Variants in PHLPP1 observed in about 807,000 individuals in gnomAD.
The protein encoded by PHLPP1 is PH domain and leucine rich repeat protein phosphatase 1.
In PHLPP1, 42 loss-of-function variants were observed where a neutral mutation model predicts 117.2. That is an observed-to-expected ratio of 0.36 (90% CI 0.28 to 0.46). The LOEUF is 0.46. Among genes scored for constraint, PHLPP1 ranks in the 20% least tolerant of loss-of-function variants. The pLI is 1.00. For missense variants in PHLPP1, 2,084 were observed against 2,241.9 expected (o/e 0.93, Z 1.42); for synonymous variants, 1,042 against 970.7 (o/e 1.07, Z -1.37).
intron 2 of PHLPP1, among the ~76,000 whole-genome samples, chr18:62,832,939 T>C (rs1337777411): frequency 6.6e-6 from 1 of 152,202 alleles, no homozygotes; most frequent in African/African-American, 2.4e-5. Flanking sequence ...ACTTTACATA[T>C]ATGGCTTTGC....
At position 62,945,131 on chromosome 18, in the gene PHLPP1, C is replaced by G; in HGVS notation, c.3184C>G (p.Leu1062Val). ...PASKMAKLEE[L>V]EEIDLSGNKL... ...TAGTAAAATGGCGAAACTGGAGGAACTTGAAGAAATTGATCTCAGTGGGAA... is the reference window on the plus strand; with the variant it reads ...TAGTAAAATGGCGAAACTGGAGGAAGTTGAAGAAATTGATCTCAGTGGGAA... The change falls in exon 12 of 17, where the codon CTT becomes GTT. Residue 1062 changes from leucine to valine, a missense_variant. By Grantham distance (32) the Leu-to-Val change is conservative (BLOSUM62 1). Around this residue, in one of 2 missense-constraint regions of PHLPP1, gnomAD observed 1,365 missense variants for 1,605.9 expected, o/e 0.85. Coordinates refer to ENST00000262719, the MANE Select transcript of PHLPP1 (RefSeq NM_194449.4). The G allele has an allele frequency of 6.3e-7, 1 of 1,598,806 alleles. No homozygotes were observed. Among genetic ancestry groups the G allele is most frequent in the Non-Finnish European group, 8.5e-7 (1 of 1,175,036 alleles).
At chr18:62,870,580 T>G (rs936613669) in intron 4 of PHLPP1, among the ~76,000 whole-genome samples, 3 of 152,210 alleles carry the variant, frequency 2.0e-5, no homozygotes, top group Admixed American at 2.0e-4. Flanking sequence ...TTACCTAAGT[T>G]TCAAGGAATT....
chr18:62,808,994 C>T (rs1340631279), intron 1 of PHLPP1, among the ~76,000 whole-genome samples: 1 of 152,108 alleles, frequency 6.6e-6, no homozygotes, highest in African/African-American at 2.4e-5. Flanking sequence ...TGTTGCCTGC[C>T]TACTGCCAGG....
At chr18:62,806,723 C>T (rs969090101) in intron 1 of PHLPP1, among the ~76,000 whole-genome samples, 1 of 152,150 alleles carries the variant, frequency 6.6e-6, no homozygotes, top group African/African-American at 2.4e-5. Context: ...ATTAGCTTGA[C>T]ATCTTTTTTG....
intron 10 of PHLPP1, among the ~76,000 whole-genome samples, chr18:62,940,016 CA>C (rs1481841370): frequency 6.6e-6 from 1 of 151,806 alleles, no homozygotes; most frequent in Non-Finnish European, 1.5e-5. Flanking sequence ...ATCTGGGGGC[CA>C]GGGGGAGGCA....
chr18:62,764,040 A>G lies in PHLPP1; in HGVS notation c.1576+46781A>G, dbSNP rs185342034. Among the ~76,000 whole-genome samples the G allele has an allele frequency of 1.4e-3, 206 of 151,700 alleles. 1 individual carries two copies. The highest frequency in any genetic ancestry group is 3.4e-3 in the Middle Eastern group (1 of 294). On this transcript the variant is annotated intron_variant, in intron 1 of 16. Coordinates refer to ENST00000262719, the MANE Select transcript of PHLPP1 (RefSeq NM_194449.4). Reference sequence around the variant, plus strand: ...TAGCCGGGCGTGGTGGTGCATGCCTATAATCCCAGCTACTTGGGAGGCTAA... The same window carrying G: ...TAGCCGGGCGTGGTGGTGCATGCCTGTAATCCCAGCTACTTGGGAGGCTAA...
At chr18:62,817,849 G>T (rs1189643575) in intron 1 of PHLPP1, among the ~76,000 whole-genome samples, 1 of 128,022 alleles carries the variant, frequency 7.8e-6, no homozygotes, top group Non-Finnish European at 1.6e-5. Context: ...AATGGCAACA[G>T]ACTTTTTTTT....
rs56223512 is a variant in PHLPP1, at chr18:62,848,455, ATTTTTTTT to A, written c.1899+9564_1899+9571del. Among the ~76,000 whole-genome samples the A allele has an allele frequency of 4.2e-4, 37 of 88,520 alleles. No individual in the cohort carries two copies. The East Asian group carries it at 0.012, about 28-fold the overall frequency. The allele number at this position is 88,520 out of a possible 152,430, so 58.1% of individuals were successfully genotyped here. A position where few individuals can be genotyped will look rare whatever the true frequency, so the allele number is the denominator to read the frequency against. On this transcript the variant is annotated intron_variant, in intron 3 of 16. Transcript: ENST00000262719. ...ATTCTATGAGGTTGGTTTTTTGTTG[ATTTTTTTT>A]TTTTTTTTTTTTTTTTTGAGACAGG...
intron 4 of PHLPP1, among the ~76,000 whole-genome samples, chr18:62,880,394 A>G (rs1360508513): frequency 6.6e-6 from 1 of 152,068 alleles, no homozygotes; most frequent in Non-Finnish European, 1.5e-5. Flanking sequence ...CTTTTTATAT[A>G]TCTTTATGTG....
At chr18:62,891,404 A>G (rs949597766) in intron 4 of PHLPP1, among the ~76,000 whole-genome samples, 1 of 152,220 alleles carries the variant, frequency 6.6e-6, no homozygotes, top group Non-Finnish European at 1.5e-5. Flanking sequence ...CCTGGCCAAC[A>G]TAGTGAAACC....
At chr18:62,759,604 T>C (rs546328249) in intron 1 of PHLPP1, among the ~76,000 whole-genome samples, 3 of 152,346 alleles carry the variant, frequency 2.0e-5, no homozygotes, top group Admixed American at 6.5e-5. Context: ...CACACTGATA[T>C]GCTTACTTTC....
rs2144261847 is a variant in PHLPP1, at chr18:62,768,323, A to G, written c.1576+51064A>G. On this transcript the variant is annotated intron_variant, in intron 1 of 16. Transcript: ENST00000262719. ...GTCACCTTGAGAACCAAAGGGATTG[A>G]ATACAGTGGAGAGGATCCAAAAACG... Among the ~76,000 whole-genome samples the G allele has an allele frequency of 1.3e-5, 2 of 152,316 alleles. 1 individual carries two copies.
At chr18:62,724,976 A>G (rs1911025386) in intron 1 of PHLPP1, among the ~76,000 whole-genome samples, 1 of 152,258 alleles carries the variant, frequency 6.6e-6, no homozygotes, top group South Asian at 2.1e-4. Flanking sequence ...TGTTAAAAGA[A>G]TAAAAGTGTT....
chr18:62,820,609 G>T (rs1914423433), intron 1 of PHLPP1, among the ~76,000 whole-genome samples: 1 of 152,172 alleles, frequency 6.6e-6, no homozygotes, highest in Non-Finnish European at 1.5e-5. Flanking sequence ...CCTTCGCTCA[G>T]CACTTCTCCT....
chr18:62,917,531 C>T (rs555696275), intron 9 of PHLPP1, among the ~76,000 whole-genome samples: 2 of 151,852 alleles, frequency 1.3e-5, no homozygotes, highest in South Asian at 2.1e-4. Flanking sequence ...ATGTAATAGG[C>T]AAGGCTGGGC....
intron 12 of PHLPP1, among the ~76,000 whole-genome samples, chr18:62,946,602 A>G (rs1239064238): frequency 6.6e-6 from 1 of 152,084 alleles, no homozygotes; most frequent in Non-Finnish European, 1.5e-5. Context: ...CAGTTTTTAC[A>G]CATTTATATG....
Position 62,732,734 on chromosome 18 carries a change from C to T in PHLPP1, c.1576+15475C>T, listed in dbSNP as rs117723517. Among the ~76,000 whole-genome samples the T allele has an allele frequency of 6.6e-4, 101 of 152,252 alleles. 3 individuals carry two copies. The East Asian group carries it at 0.019, about 28-fold the overall frequency. ...TGGCAAGGTTTCACCATTCCGGATG[C>T]CATTAAGAACATTTGTGATTCATGG... On this transcript the variant is annotated intron_variant, in intron 1 of 16. Coordinates refer to ENST00000262719, the MANE Select transcript of PHLPP1 (RefSeq NM_194449.4).
At chr18:62,841,187 C>G (rs540293150) in intron 3 of PHLPP1, among the ~76,000 whole-genome samples, 4 of 151,218 alleles carry the variant, frequency 2.6e-5, no homozygotes, top group Admixed American at 2.0e-4. Flanking sequence ...TGCGCCTGGC[C>G]TTTATTTGGA....
intron 12 of PHLPP1, among the ~76,000 whole-genome samples, chr18:62,946,964 A>G (rs1379460609): frequency 6.6e-6 from 1 of 152,098 alleles, no homozygotes; most frequent in Non-Finnish European, 1.5e-5. Flanking sequence ...GAGGCAGGAG[A>G]ATGTCATGAA....
Sources: allele counts gnomAD v4.1 joint callset (sites outside exome capture counted in the v4.1 genomes callset), GRCh38; gene constraint gnomAD v4.1.1; regional missense constraint gnomAD v4.1.1; transcripts MANE v1.5; gene names NCBI Gene and HGNC (gene_info 2026-07-23, HGNC 2026-07-21).